CCSER1: variants seen among roughly 807,000 people sequenced by gnomAD.
The protein encoded by CCSER1 is serine-rich coiled-coil domain-containing protein 1.
In CCSER1, 41 loss-of-function variants were observed where a neutral mutation model predicts 82.0. That is an observed-to-expected ratio of 0.50 (90% CI 0.39 to 0.65). The LOEUF is 0.65. Among genes scored for constraint, CCSER1 ranks in the 30% least tolerant of loss-of-function variants. CCSER1 has a pLI of 0.00. For missense variants in CCSER1, 1,119 were observed against 1,064.2 expected, an observed-to-expected ratio of 1.05 and a Z score of -0.72; for synonymous variants, 414 against 383.9, an observed-to-expected ratio of 1.08 and a Z score of -0.92.
At chr4:91,181,482 T>C (rs921393476) in intron 10 of CCSER1, among the ~76,000 whole-genome samples, 32 of 152,234 alleles carry the variant, frequency 2.1e-4, no homozygotes, top group African/African-American at 7.7e-4. Context: ...TAAATCCTTA[T>C]GTCAAGCTCC....
intron 1 of CCSER1, among the ~76,000 whole-genome samples, chr4:90,183,519 G>A (rs1734062181): frequency 6.6e-6 from 1 of 152,060 alleles, no homozygotes. Flanking sequence ...AGGGCTATCA[G>A]TGCTGCTCTC....
intron 10 of CCSER1, among the ~76,000 whole-genome samples, chr4:91,346,863 T>A (rs1748097997): frequency 6.6e-6 from 1 of 152,218 alleles, no homozygotes; most frequent in Non-Finnish European, 1.5e-5. Flanking sequence ...AAGATATTTT[T>A]GTATATTTTG....
chr4:91,216,465 G>C (rs1737248742), intron 10 of CCSER1, among the ~76,000 whole-genome samples: 1 of 152,026 alleles, frequency 6.6e-6, no homozygotes, highest in Admixed American at 6.6e-5. Context: ...GACTACAGGT[G>C]CGTGCCACCA....
At chr4:91,351,774 T>A (rs1000878884) in intron 10 of CCSER1, among the ~76,000 whole-genome samples, 6 of 152,114 alleles carry the variant, frequency 3.9e-5, no homozygotes, top group East Asian at 1.9e-4. Context: ...GATTTTTTTT[T>A]AATTAAAGAA....
At chr4:90,888,064 G>T (rs1448851370) in intron 8 of CCSER1, among the ~76,000 whole-genome samples, 1 of 152,066 alleles carries the variant, frequency 6.6e-6, no homozygotes, top group Admixed American at 6.6e-5. Flanking sequence ...TTAAATTGAG[G>T]TAATATAGTT....
chr4:90,893,620 T>C (rs1723257426), intron 8 of CCSER1, among the ~76,000 whole-genome samples: 1 of 152,062 alleles, frequency 6.6e-6, no homozygotes, highest in Admixed American at 6.6e-5. Context: ...ACATTTAAAA[T>C]AGACTTATTT....
At chr4:90,633,660 A>G (rs1330193158) in intron 6 of CCSER1, among the ~76,000 whole-genome samples, 5 of 152,154 alleles carry the variant, frequency 3.3e-5, no homozygotes, top group African/African-American at 1.2e-4. Context: ...AAATCATTAT[A>G]AAACCACAAA....
At position 90,784,946 on chromosome 4, in the gene CCSER1, C is replaced by T. The variant is rs140367984; in HGVS notation, c.2011-30816C>T. On this transcript the variant is annotated intron_variant, in intron 7 of 10. Transcript: ENST00000509176. ...TATCATAAGCATCTTTATCTTCATCCTCGTCACATTGAGTGGGCTGAGGAG... is the reference window on the plus strand; with the variant it reads ...TATCATAAGCATCTTTATCTTCATCTTCGTCACATTGAGTGGGCTGAGGAG... Among the ~76,000 whole-genome samples, 72 of 152,224 alleles carry T rather than the reference C, an allele frequency of 4.7e-4. 1 individual carries two copies. The East Asian group carries it at 0.011, about 24-fold the overall frequency.
At chr4:90,489,391 T>C (rs1767613687) in intron 5 of CCSER1, among the ~76,000 whole-genome samples, 1 of 152,140 alleles carries the variant, frequency 6.6e-6, no homozygotes, top group African/African-American at 2.4e-5. Context: ...AAAACAGTTT[T>C]AGGGAGTATA....
chr4:90,486,817 C>T (rs1198587698), intron 5 of CCSER1, among the ~76,000 whole-genome samples: 1 of 152,158 alleles, frequency 6.6e-6, no homozygotes, highest in African/African-American at 2.4e-5. Flanking sequence ...TGGAAGACTG[C>T]ATGTATTGAA....
chr4:91,575,667 A>C (rs1763417693), intron 10 of CCSER1, among the ~76,000 whole-genome samples: 1 of 152,000 alleles, frequency 6.6e-6, no homozygotes, highest in Non-Finnish European at 1.5e-5. Flanking sequence ...AAGATGAAAA[A>C]TAGCTAAAAT....
At chr4:91,503,717 T>TA (rs941354662) in intron 10 of CCSER1, among the ~76,000 whole-genome samples, 48 of 152,226 alleles carry the variant, frequency 3.2e-4, no homozygotes, top group African/African-American at 1.1e-3. Context: ...AATATGTGCG[T>TA]AAAAAAACTT....
At chr4:90,318,101 C>T (rs928329032) in intron 3 of CCSER1, among the ~76,000 whole-genome samples, 1 of 152,064 alleles carries the variant, frequency 6.6e-6, no homozygotes, top group African/African-American at 2.4e-5. Flanking sequence ...TTTAATGGGC[C>T]CTGACTTTGT....
chr4:91,070,748 C>T lies in CCSER1; in HGVS notation c.2173-15202C>T, dbSNP rs146487210. 3.1e-3 allele frequency among the ~76,000 whole-genome samples: 470 copies of T among 152,186 alleles called. 1 individual carries two copies. Among genetic ancestry groups the T allele is most frequent in the African/African-American group, 0.011 (452 of 41,512 alleles). On this transcript the variant is annotated intron_variant, in intron 9 of 10. Transcript: ENST00000509176. Reference sequence around the variant, plus strand: ...ATCCCAAAACCATCCTCACCCCCAGCGGTGGAAAAAATGCCTTCCACAAAA... The same window carrying T: ...ATCCCAAAACCATCCTCACCCCCAGTGGTGGAAAAAATGCCTTCCACAAAA...
Position 90,309,337 on chromosome 4 carries a change from A to G in CCSER1, c.1053A>G (p.Gln351=). Residue 351 remains glutamine, a synonymous_variant, in exon 2 of 11, where the codon CAA becomes CAG. Transcript: ENST00000509176. Reference sequence around the variant, plus strand: ...CTAATCAGAAGGAAGTGTTATTACAAATTGCTGAACTACCTGCTACAAGTG... The same window carrying G: ...CTAATCAGAAGGAAGTGTTATTACAGATTGCTGAACTACCTGCTACAAGTG... ...SAANQKEVLL[Q]IAELPATSVS... is the part of the protein sequence containing the mutation. 6.2e-7 allele frequency: 1 copy of G among 1,613,872 alleles called. No individual in the cohort carries two copies.
At chr4:91,084,149 C>A (rs1285954661) in intron 9 of CCSER1, among the ~76,000 whole-genome samples, 1 of 152,080 alleles carries the variant, frequency 6.6e-6, no homozygotes. Context: ...CCAGGCTGGT[C>A]TTGAGCTCCT....
At chr4:90,719,676 G>C (rs1742330334) in intron 6 of CCSER1, among the ~76,000 whole-genome samples, 1 of 152,010 alleles carries the variant, frequency 6.6e-6, no homozygotes, top group Non-Finnish European at 1.5e-5. Context: ...TGTGGCCATT[G>C]GTTTGAGGGT....
intron 4 of CCSER1, among the ~76,000 whole-genome samples, chr4:90,453,871 G>T (rs908296063): frequency 6.6e-6 from 1 of 152,294 alleles, no homozygotes; most frequent in South Asian, 2.1e-4. Flanking sequence ...GTGTCCAGGA[G>T]GAGGTCCCCT....
intron 10 of CCSER1, among the ~76,000 whole-genome samples, chr4:91,160,034 C>T (rs554854196): frequency 6.1e-4 from 92 of 151,964 alleles, no homozygotes; most frequent in African/African-American, 2.1e-3. Context: ...TCTCCTAATG[C>T]TATCCCTCCC....
Sources: allele counts gnomAD v4.1 joint callset (sites outside exome capture counted in the v4.1 genomes callset), GRCh38; gene constraint gnomAD v4.1.1; transcripts MANE v1.5; gene names NCBI Gene and HGNC (gene_info 2026-07-23, HGNC 2026-07-21).